Variants in KLHL32 observed in about 807,000 individuals in gnomAD.
The protein encoded by KLHL32 is kelch like family member 32, also known as kelch-like protein 32.
KLHL32 carries 35 observed loss-of-function variants against 64.8 expected under a neutral mutation model. The observed-to-expected ratio is 0.54, with a 90% CI of 0.41 to 0.72. The LOEUF is 0.72. Among genes scored for constraint, KLHL32 ranks in the 30% least tolerant of loss-of-function variants. The pLI is 0.00. For missense variants in KLHL32, 589 were observed against 768.5 expected, an observed-to-expected ratio of 0.77 and a Z score of 2.76; for synonymous variants, 259 against 281.0, an observed-to-expected ratio of 0.92 and a Z score of 0.78.
At chr6:96,959,194 T>C (rs1773615864) in intron 1 of KLHL32, among the ~76,000 whole-genome samples, 1 of 152,096 alleles carries the variant, frequency 6.6e-6, no homozygotes, top group Non-Finnish European at 1.5e-5. Context: ...CCAGGAGGCC[T>C]CCAACGTCAT....
chr6:96,905,379 G>A, the KLHL32 span, among the ~76,000 whole-genome samples: 2 of 152,166 alleles, frequency 1.3e-5, no homozygotes, highest in African/African-American at 4.8e-5. Context: ...CCAGAGCTAG[G>A]GTCTGTGTTT....
intron 4 of KLHL32, among the ~76,000 whole-genome samples, chr6:97,063,268 C>T (rs75474875): frequency 0.02 from 3,074 of 152,154 alleles, 111 homozygotes; most frequent in African/African-American, 0.07. Flanking sequence ...GATTGAATTC[C>T]GAAACTATTT....
At chr6:97,092,066 C>G (rs9374346) in intron 6 of KLHL32, among the ~76,000 whole-genome samples, 1 of 151,192 alleles carries the variant, frequency 6.6e-6, no homozygotes, top group African/African-American at 2.4e-5. Flanking sequence ...CTCAGCTCAC[C>G]GCAACCTCCG....
At chr6:97,009,455 C>T (rs998933631) in intron 3 of KLHL32, among the ~76,000 whole-genome samples, 3 of 152,162 alleles carry the variant, frequency 2.0e-5, no homozygotes, top group Admixed American at 6.5e-5. Context: ...TTAGGATTTA[C>T]TGGCCATGCT....
chr6:97,096,493 G>A (rs1158045010), intron 6 of KLHL32, among the ~76,000 whole-genome samples: 2 of 152,224 alleles, frequency 1.3e-5, no homozygotes, highest in Admixed American at 6.5e-5. Context: ...GGATGTTAAT[G>A]CCAATAGTTT....
chr6:97,106,735 C>A (rs370009318), intron 6 of KLHL32, among the ~76,000 whole-genome samples: 1 of 148,136 alleles, frequency 6.8e-6, no homozygotes, highest in African/African-American at 2.6e-5. Context: ...CAGAGGAGAC[C>A]CTGTCTCAAA....
intron 10 of KLHL32, among the ~76,000 whole-genome samples, chr6:97,138,106 C>A (rs1476689357): frequency 2.0e-5 from 3 of 152,168 alleles, no homozygotes. Context: ...AAGATGATAA[C>A]TGCAGACTTG....
At chr6:96,998,073 G>A (rs1200846766) in intron 3 of KLHL32, among the ~76,000 whole-genome samples, 2 of 152,158 alleles carry the variant, frequency 1.3e-5, no homozygotes, top group African/African-American at 2.4e-5. Context: ...CAAGACTGTA[G>A]CCTTCTGCCT....
intron 6 of KLHL32, among the ~76,000 whole-genome samples, chr6:97,099,722 C>G (rs529343150): frequency 6.6e-6 from 1 of 152,160 alleles, no homozygotes; most frequent in Non-Finnish European, 1.5e-5. Context: ...GCCCTGCCCC[C>G]CTGTCTCTGC....
At chr6:96,958,400 AG>A (rs1452832555) in intron 1 of KLHL32, among the ~76,000 whole-genome samples, 1 of 152,146 alleles carries the variant, frequency 6.6e-6, no homozygotes, top group Non-Finnish European at 1.5e-5. Flanking sequence ...CAGGATGAAT[AG>A]GGGTTAACCA....
chr6:96,979,212 G>A (rs113237676), intron 3 of KLHL32, among the ~76,000 whole-genome samples: 1 of 152,104 alleles, frequency 6.6e-6, no homozygotes, highest in Non-Finnish European at 1.5e-5. Flanking sequence ...TGACATATTT[G>A]TCAGGACCTA....
intron 4 of KLHL32, among the ~76,000 whole-genome samples, chr6:97,058,728 G>T (rs1019226876): frequency 2.6e-5 from 4 of 152,082 alleles, no homozygotes; most frequent in Non-Finnish European, 4.4e-5. Flanking sequence ...CTTTCTTTCT[G>T]CTTTGAATGT....
intron 4 of KLHL32, among the ~76,000 whole-genome samples, chr6:97,049,857 A>G (rs1436076711): frequency 2.0e-5 from 3 of 152,202 alleles, no homozygotes; most frequent in Non-Finnish European, 4.4e-5. Context: ...TTGACAGTGA[A>G]GTCATAAAAT....
chr6:97,090,997 G>T (rs1472827233), intron 6 of KLHL32, among the ~76,000 whole-genome samples: 1 of 152,242 alleles, frequency 6.6e-6, no homozygotes, highest in Admixed American at 6.5e-5. Flanking sequence ...GTTGAGGCAG[G>T]CTGATCGCTT....
chr6:97,033,226 G>T (rs950342517), intron 3 of KLHL32, among the ~76,000 whole-genome samples: 1 of 151,990 alleles, frequency 6.6e-6, no homozygotes, highest in African/African-American at 2.4e-5. Context: ...TTATTAAGTT[G>T]GTCTGAAACT....
In KLHL32 at chr6:97,055,808, A is replaced by AAAAC. The variant is rs1376876617; in HGVS notation, c.313-8817_313-8816insCAAA. 7.1e-5 allele frequency among the ~76,000 whole-genome samples: 9 copies of AAAAC among 127,182 alleles called. 2 individuals are homozygous for AAAAC. Among genetic ancestry groups the AAAAC allele is most frequent in the African/African-American group, 2.5e-4 (8 of 32,568 alleles). 83.4% of individuals were successfully genotyped at this position (127,182 alleles called of 152,430 possible). On this transcript the variant is annotated intron_variant, in intron 4 of 10. Coordinates refer to ENST00000369261, the MANE Select transcript of KLHL32 (RefSeq NM_052904.4). Reference sequence around the variant, plus strand: ...CTGAGAACCTGTCTAAAAAAAAAAAAAAAAAAAAAAAAAACCCCTTCTTAT... The same window carrying AAAAC: ...CTGAGAACCTGTCTAAAAAAAAAAAAAAACAAAAAAAAAAAAAACCCCTTCTTAT...
intron 6 of KLHL32, among the ~76,000 whole-genome samples, chr6:97,093,442 A>G (rs1174084632): frequency 6.6e-6 from 1 of 152,234 alleles, no homozygotes; most frequent in Non-Finnish European, 1.5e-5. Context: ...TTCACAGTAT[A>G]GATTTCAATG....
At chr6:97,040,918 C>T (rs62413895) in intron 3 of KLHL32, among the ~76,000 whole-genome samples, 3 of 152,204 alleles carry the variant, frequency 2.0e-5, no homozygotes, top group African/African-American at 4.8e-5. Flanking sequence ...CCTTCGCCTT[C>T]GCCTTCCACC....
In KLHL32 at chr6:97,139,708, T is replaced by C. The variant is rs1800479942; in HGVS notation, c.*426T>C. The C allele has an allele frequency of 6.5e-6, 1 of 153,906 alleles. No individual in the cohort carries two copies. The highest frequency in any genetic ancestry group is 2.4e-5 in the African/African-American group (1 of 41,500). The allele number at this position is 153,906 out of a possible 1,614,324, so 9.5% of individuals were successfully genotyped here. A position where few individuals can be genotyped will look rare whatever the true frequency, so the allele number is the denominator to read the frequency against. ...TTAAAGCCGGGCTTGTAATTTTTCT[T>C]TTTAAAATTTAACATTATGCAGCCC... is the stretch of plus-strand genomic sequence containing the variant. On this transcript the variant is annotated 3_prime_UTR_variant, in exon 11 of 11. Coordinates refer to ENST00000369261, the MANE Select transcript of KLHL32 (RefSeq NM_052904.4).
Sources: gnomAD v4.1 joint callset for allele counts (sites outside exome capture counted in the v4.1 genomes callset) on GRCh38, gnomAD v4.1.1 for gene constraint, MANE v1.5 for transcripts, NCBI Gene and HGNC (gene_info 2026-07-23, HGNC 2026-07-21) for gene names.